TIMM50: variants seen among roughly 807,000 people sequenced by gnomAD.
TIMM50 encodes mitochondrial import inner membrane translocase subunit TIM50.
TIMM50 carries 34 observed loss-of-function variants against 49.6 expected under a neutral mutation model. The ratio of observed to expected loss-of-function variants is 0.69; its 90% CI spans 0.52 to 0.91. The LOEUF is 0.91. Among genes scored for constraint, TIMM50 ranks in the 40% least tolerant of loss-of-function variants. The pLI, the probability that TIMM50 is intolerant of heterozygous loss-of-function variation, is 0.00. For missense variants in TIMM50, 458 were observed against 477.8 expected, an observed-to-expected ratio of 0.96 and a Z score of 0.39; for synonymous variants, 199 against 198.4, an observed-to-expected ratio of 1.00 and a Z score of -0.03.
chr19:39,487,871 C>T (rs1600741903), intron 8 of TIMM50, 190 bp from the exon 9 acceptor site: 5 of 741,854 alleles, frequency 6.7e-6, no homozygotes, highest in African/African-American at 1.8e-5. Context: ...GGATTACAGG[C>T]GTGAGCCACC....
Position 39,488,578 on chromosome 19 carries a change from T to G in TIMM50, c.893T>G (p.Leu298Arg), listed in dbSNP as rs765968127. Residue 298 changes from leucine to arginine, a missense_variant, in exon 10 of 11, where the codon CTG becomes CGG. By Grantham distance (102) the Leu-to-Arg change is moderately radical. Transcript: ENST00000607714. ...GGTGTGGAGGACGTGCGAACCGTGC[T>G]GGAGCACTATGCCCTGGAGGATGAC... ...LNGVEDVRTV[L>R]EHYALEDDPL... is the part of the protein sequence containing the mutation. 6.2e-7 allele frequency: 1 copy of G among 1,613,364 alleles called. No individual in the cohort carries two copies. Among genetic ancestry groups the G allele is most frequent in the East Asian group, 2.2e-5 (1 of 44,884 alleles).
At chr19:39,481,348 T>TC in intron 1 of TIMM50, 1 of 311,482 alleles carries the variant, frequency 3.2e-6, no homozygotes, top group African/African-American at 2.2e-5. Context: ...TCGACTTGCC[T>TC]CCATGTTGAC....
At chr19:39,485,515 G>A (rs1244829424) in intron 4 of TIMM50, 29 bp from the exon 5 acceptor site, 1 of 1,614,044 alleles carries the variant, frequency 6.2e-7, no homozygotes, top group South Asian at 1.1e-5. Flanking sequence ...GCTTATTGTG[G>A]AATCTCTTTG....
chr19:39,488,523 C>T lies in TIMM50; in HGVS notation c.854-16C>T. ...CCTTTAGAAGCCTGGCTGACCACCC[C>T]CTGTTGTGCCCACAGCCATTGCACT... On this transcript the variant is annotated splice_polypyrimidine_tract_variant and intron_variant, in intron 9 of 10. Transcript: ENST00000607714. 1 of 1,610,196 alleles carries T rather than the reference C, an allele frequency of 6.2e-7. No individual in the cohort carries two copies. Among genetic ancestry groups the T allele is most frequent in the Non-Finnish European group, 8.5e-7 (1 of 1,177,984 alleles).
chr19:39,490,570 T>G lies in TIMM50; in HGVS notation c.*750T>G, dbSNP rs989718697. 2.0e-5 allele frequency: 3 copies of G among 152,032 alleles called. No homozygotes were observed. The highest frequency in any genetic ancestry group is 4.4e-5 in the Non-Finnish European group (3 of 68,018). The allele number at this position is 152,032 out of a possible 1,614,324, so 9.4% of individuals were successfully genotyped here. A position where few individuals can be genotyped will look rare whatever the true frequency, so the allele number is the denominator to read the frequency against. ...TACCCAGCTAATTTAAACAAATTTT[T>G]TTTTTGTAGAGATGGGGTCTTGGTG... On this transcript the variant is annotated 3_prime_UTR_variant, in exon 11 of 11. Coordinates refer to ENST00000607714, the MANE Select transcript of TIMM50 (RefSeq NM_001001563.5).
At chr19:39,489,225 G>C (rs1257608518) in intron 10 of TIMM50, among the ~76,000 whole-genome samples, 1 of 152,100 alleles carries the variant, frequency 6.6e-6, no homozygotes, top group Admixed American at 6.5e-5. Flanking sequence ...TGCATCCAGA[G>C]AGGGGTCATG....
At chr19:39,485,623 C>T in intron 5 of TIMM50, 21 bp downstream of exon 5, 4 of 1,614,186 alleles carry the variant, frequency 2.5e-6, no homozygotes, top group Non-Finnish European at 3.4e-6. Flanking sequence ...GCCCTGGGCT[C>T]AGTCCCCATG....
At chr19:39,483,028 A>C (rs2079483028) in intron 3 of TIMM50, 107 bp from the exon 4 acceptor site, 2 of 1,608,382 alleles carry the variant, frequency 1.2e-6, no homozygotes, top group East Asian at 4.5e-5. Context: ...TTTCTTTCCC[A>C]GTGACCTTTG....
chr19:39,488,428 TCCAGGTAGCACTGACTGCC>T lies in TIMM50; in HGVS notation c.854-108_854-90del, dbSNP rs2079522079. ...GCCCTTTCAGAGCGTTCAGAAGCAT[TCCAGGTAGCACTGACTGCC>T]CCCGTGCCCCAGTGCGGGACGTTCC... is the stretch of plus-strand genomic sequence containing the variant. On this transcript the variant is annotated intron_variant, in intron 9 of 10. Coordinates refer to ENST00000607714, the MANE Select transcript of TIMM50 (RefSeq NM_001001563.5). 3.0e-5 allele frequency: 34 copies of T among 1,130,308 alleles called. No homozygotes were observed. The South Asian group carries it at 4.6e-4, about 15-fold the overall frequency. The allele number at this position is 1,130,308 out of a possible 1,614,324, so 70.0% of individuals were successfully genotyped here.
intron 1 of TIMM50, among the ~76,000 whole-genome samples, chr19:39,481,566 CCA>C (rs2079472072): frequency 6.6e-6 from 1 of 152,168 alleles, no homozygotes; most frequent in Admixed American, 6.6e-5. Context: ...CCCTCTCATC[CCA>C]GTGTTTAGGC....
intron 1 of TIMM50, 32 bp downstream of exon 1, chr19:39,480,993 G>T: frequency 6.4e-7 from 1 of 1,552,064 alleles, no homozygotes. Flanking sequence ...CTCTGAATGT[G>T]GGGTCCCTTC....
intron 4 of TIMM50, among the ~76,000 whole-genome samples, chr19:39,483,890 G>A (rs1482203272): frequency 6.6e-6 from 1 of 151,946 alleles, no homozygotes. Flanking sequence ...GTCTTGCTCT[G>A]TTGCCTAGGC....
In TIMM50 at chr19:39,490,737, C is replaced by T. The variant is rs2079539607; in HGVS notation, c.*917C>T. On this transcript the variant is annotated 3_prime_UTR_variant, in exon 11 of 11. Transcript: ENST00000607714. ...ATCTCCCTATTTTAAAATGTTGGCT[C>T]CTAGCGGGGCGCAGTGGCTCACGCC... The T allele has an allele frequency of 6.6e-6, 1 of 151,962 alleles. No individual in the cohort carries two copies. Among genetic ancestry groups the T allele is most frequent in the Non-Finnish European group, 1.5e-5 (1 of 68,028 alleles). The allele number at this position is 151,962 out of a possible 1,614,324, so 9.4% of individuals were successfully genotyped here.
chr19:39,493,425 C>G lies in TIMM50; in HGVS notation c.*3605C>G, dbSNP rs543659210. On this transcript the variant is annotated 3_prime_UTR_variant, in exon 11 of 11. Coordinates refer to ENST00000607714, the MANE Select transcript of TIMM50 (RefSeq NM_001001563.5). ...CCACTGTCAGGCCTCTGAGCCCAAG[C>G]CAAGCCATCGCATCCCCTGTGCCTT... 6.6e-6 allele frequency: 1 copy of G among 152,236 alleles called. No individual in the cohort carries two copies. Among genetic ancestry groups the G allele is most frequent in the East Asian group, 1.9e-4 (1 of 5,168 alleles). 9.4% of individuals were successfully genotyped at this position (152,236 alleles called of 1,614,324 possible). A position where few individuals can be genotyped will look rare whatever the true frequency, so the allele number is the denominator to read the frequency against.
chr19:39,486,145 C>T, intron 6 of TIMM50, 42 bp from the exon 7 acceptor site: 1 of 1,593,374 alleles, frequency 6.3e-7, no homozygotes, highest in South Asian at 1.1e-5. Context: ...ACTCTGAGGA[C>T]CTCTGGGTCT....
intron 3 of TIMM50, 39 bp from the exon 4 acceptor site, chr19:39,483,096 T>C: frequency 1.2e-6 from 2 of 1,614,118 alleles, no homozygotes. Flanking sequence ...GTTCTGCCTC[T>C]GACATCCTAA....
intron 4 of TIMM50, 172 bp from the exon 5 acceptor site, chr19:39,485,372 T>C: frequency 1.5e-6 from 1 of 676,110 alleles, no homozygotes; most frequent in Non-Finnish European, 2.6e-6. Context: ...AAATCTGTGT[T>C]CCTATCTGGC....
chr19:39,492,320 G>GGGGGC lies in TIMM50; in HGVS notation c.*2504_*2505insCGGGG, dbSNP rs2079551002. 6.6e-6 allele frequency: 1 copy of GGGGGC among 150,572 alleles called. No individual in the cohort carries two copies. Among genetic ancestry groups the GGGGGC allele is most frequent in the African/African-American group, 2.4e-5 (1 of 40,840 alleles). The allele number at this position is 150,572 out of a possible 1,614,324, so 9.3% of individuals were successfully genotyped here. A position where few individuals can be genotyped will look rare whatever the true frequency, so the allele number is the denominator to read the frequency against. On this transcript the variant is annotated 3_prime_UTR_variant, in exon 11 of 11. Coordinates refer to ENST00000607714, the MANE Select transcript of TIMM50 (RefSeq NM_001001563.5). ...CATGGGAAGAGCCTGTCTCTTGCGG[G>GGGGGC]GGGGGGAGAAGAAAGTTCTTGTCTC... is the stretch of plus-strand genomic sequence containing the variant.
In TIMM50 at chr19:39,485,676, C is replaced by T. The variant is rs752072155; in HGVS notation, c.373-12C>T. The T allele has an allele frequency of 4.3e-6, 7 of 1,614,118 alleles. No homozygotes were observed. Among genetic ancestry groups the T allele is most frequent in the Non-Finnish European group, 5.9e-6 (7 of 1,180,042 alleles). ...CTTGTCTGAGCGCCCCCATCCTGTC[C>T]CTCTCCCACAGATGATCATCGAGCC... On this transcript the variant is annotated splice_polypyrimidine_tract_variant and intron_variant, in intron 5 of 10. Transcript: ENST00000607714.
Sources: gnomAD v4.1 joint callset for allele counts (sites outside exome capture counted in the v4.1 genomes callset) on GRCh38, gnomAD v4.1.1 for gene constraint, MANE v1.5 for transcripts, NCBI Gene and HGNC (gene_info 2026-07-23, HGNC 2026-07-21) for gene names.